TJP1: variants seen among roughly 807,000 people sequenced by gnomAD.
TJP1 encodes tight junction protein ZO-1.
Under a neutral mutation model 194.2 loss-of-function variants are expected in TJP1, and 43 were observed. The ratio of observed to expected loss-of-function variants is 0.22; its 90% confidence interval spans 0.17 to 0.29. TJP1 has a LOEUF of 0.29. Ranked by LOEUF, TJP1 falls within the 10% of genes least tolerant of loss-of-function variation. TJP1 has a pLI of 1.00. For missense variants in TJP1, 1,971 were observed against 2,185.7 expected (o/e 0.90, Z 1.96); for synonymous variants, 801 against 779.0 (o/e 1.03, Z -0.47).
At chr15:29,895,602 C>T (rs190938751) in intron 2 of TJP1, among the ~76,000 whole-genome samples, 7 of 152,312 alleles carry the variant, frequency 4.6e-5, no homozygotes, top group African/African-American at 1.7e-4. Context: ...GAGGCTTTCT[C>T]TACAGCTCTC....
intron 2 of TJP1, among the ~76,000 whole-genome samples, chr15:29,917,054 TA>T (rs548342936): frequency 3.9e-4 from 60 of 152,314 alleles, no homozygotes; most frequent in African/African-American, 1.4e-3. Context: ...TTAAGGTCCA[TA>T]AAGTATTCAT....
chr15:29,952,878 A>C (rs1005005952), intron 2 of TJP1, among the ~76,000 whole-genome samples: 1 of 152,292 alleles, frequency 6.6e-6, no homozygotes, highest in African/African-American at 2.4e-5. Flanking sequence ...AGTGGTATCT[A>C]TGGTGGCTAA....
upstream of TJP1, chr15:29,822,476 T>C: frequency 2.0e-6 from 2 of 981,962 alleles, no homozygotes; most frequent in Non-Finnish European, 2.4e-6. Flanking sequence ...CACGCAAACC[T>C]GCCGGCCCGG....
rs767898096 is a variant in TJP1, at chr15:29,708,862, G to A, written c.4547C>T (p.Thr1516Ile). The A allele has an allele frequency of 3.1e-6, 5 of 1,614,142 alleles. No homozygotes were observed. The highest frequency in any genetic ancestry group is 4.2e-6 in the Non-Finnish European group (5 of 1,180,018). Residue 1516 changes from threonine (T) to isoleucine (I), a missense_variant, in exon 25 of 28, where the codon ACT becomes ATT. By Grantham distance (89) the Thr-to-Ile change is moderately conservative. Transcript: ENST00000614355. ...GTATGCTGGAGTGACTGTTTTCTGA[G>A]TCTGTTCAGTTCCATTAACTGGGGC... ...DKAPVNGTEQ[T>I]QKTVTPAYNR...
In TJP1 at chr15:29,791,413, C is replaced by CTTTT. The variant is rs34201715; in HGVS notation, c.84+9229_84+9232dup. Among the ~76,000 whole-genome samples the CTTTT allele has an allele frequency of 2.3e-3, 118 of 51,200 alleles. 1 individual carries two copies. The highest frequency in any genetic ancestry group is 3.5e-3 in the African/African-American group (44 of 12,450). The allele number at this position is 51,200 out of a possible 152,430, so 33.6% of individuals were successfully genotyped here. A position where few individuals can be genotyped will look rare whatever the true frequency, so the allele number is the denominator to read the frequency against. ...GTTTTTGAGGAGCCTCCATAATATT[C>CTTTT]TTTTTTTTTTTTTTTTTTTTTTTTT... On this transcript the variant is annotated intron_variant, in intron 2 of 27. Transcript: ENST00000614355.
chr15:29,846,741 T>C (rs1385646263), intron 2 of TJP1, among the ~76,000 whole-genome samples: 2 of 151,902 alleles, frequency 1.3e-5, no homozygotes, highest in African/African-American at 4.8e-5. Context: ...CTGGCTGACA[T>C]GGTGCAACCC....
intron 25 of TJP1, among the ~76,000 whole-genome samples, chr15:29,706,743 C>T (rs1024853999): frequency 1.3e-5 from 2 of 152,106 alleles, no homozygotes; most frequent in Admixed American, 1.3e-4. Flanking sequence ...TCACTGCAAC[C>T]TCCACCTCCC....
chr15:29,793,994 CT>C (rs1277536272), intron 2 of TJP1, among the ~76,000 whole-genome samples: 6 of 152,116 alleles, frequency 3.9e-5, no homozygotes, highest in Admixed American at 3.9e-4. Context: ...AATACTGGCC[CT>C]TTGGAATGAA....
In TJP1 at chr15:29,931,460, A is replaced by G. The variant is rs137901209; in HGVS notation, c.306+24772T>C. 3.9e-5 allele frequency among the ~76,000 whole-genome samples: 6 copies of G among 152,348 alleles called. No individual in the cohort carries two copies. In the East Asian group the frequency reaches 1.2e-3, roughly 29 times the overall value. On this transcript the variant is annotated intron_variant, in intron 2 of 28. Transcript: ENST00000356107. ...TGAAAGTAATTTTAGAAGAATAGAGAGATGTACTCTATTCACATATAACGA... is the reference window on the plus strand; with the variant it reads ...TGAAAGTAATTTTAGAAGAATAGAGGGATGTACTCTATTCACATATAACGA...
intron 2 of TJP1, among the ~76,000 whole-genome samples, chr15:29,922,604 C>G (rs1228947834): frequency 6.6e-6 from 1 of 152,022 alleles, no homozygotes; most frequent in African/African-American, 2.4e-5. Flanking sequence ...TAGAAAATGT[C>G]TAATTGAGGG....
chr15:29,835,637 G>A (rs1035165146), intron 2 of TJP1, among the ~76,000 whole-genome samples: 3 of 129,212 alleles, frequency 2.3e-5, no homozygotes, highest in South Asian at 5.7e-4. Context: ...GCCACAGGGC[G>A]AGACCCTAGC....
chr15:29,840,354 T>C (rs1362231705), intron 2 of TJP1, among the ~76,000 whole-genome samples: 3 of 152,214 alleles, frequency 2.0e-5, no homozygotes, highest in Admixed American at 6.5e-5. Context: ...AGAAGTTTTA[T>C]AGTTTCACAT....
intron 1 of TJP1, among the ~76,000 whole-genome samples, chr15:29,818,543 C>T (rs528431450): frequency 3.9e-4 from 60 of 152,320 alleles, no homozygotes; most frequent in Non-Finnish European, 6.5e-4. Context: ...CTCGCTCTGT[C>T]GCCCAGGATG....
intron 2 of TJP1, among the ~76,000 whole-genome samples, chr15:29,934,530 C>T (rs1228327257): frequency 6.6e-6 from 1 of 152,188 alleles, no homozygotes; most frequent in Non-Finnish European, 1.5e-5. Context: ...ACCCTCACTT[C>T]CCTTCTCAGC....
At chr15:29,851,294 T>C (rs547168716) in intron 2 of TJP1, among the ~76,000 whole-genome samples, 12 of 152,018 alleles carry the variant, frequency 7.9e-5, no homozygotes, top group Non-Finnish European at 1.8e-4. Context: ...AAATAAGGGA[T>C]ATCACTACAG....
At chr15:29,739,808 A>G (rs1222772141) in intron 10 of TJP1, among the ~76,000 whole-genome samples, 6 of 152,038 alleles carry the variant, frequency 3.9e-5, no homozygotes, top group African/African-American at 1.4e-4. Flanking sequence ...TTTTCAAGCA[A>G]TTCCCAAGAA....
At chr15:29,945,376 T>C (rs970134448) in intron 2 of TJP1, among the ~76,000 whole-genome samples, 1 of 152,228 alleles carries the variant, frequency 6.6e-6, no homozygotes, top group Non-Finnish European at 1.5e-5. Context: ...GAGAAAGACA[T>C]AGCCAAGTCA....
intron 2 of TJP1, among the ~76,000 whole-genome samples, chr15:29,937,328 T>C (rs2054918622): frequency 6.6e-6 from 1 of 152,208 alleles, no homozygotes; most frequent in Non-Finnish European, 1.5e-5. Flanking sequence ...TTGGTTTCTA[T>C]TGGGTAAAGT....
intron 2 of TJP1, among the ~76,000 whole-genome samples, chr15:29,904,778 A>T (rs1362985482): frequency 6.6e-6 from 1 of 152,228 alleles, no homozygotes; most frequent in Admixed American, 6.5e-5. Flanking sequence ...ATTAGTTAAG[A>T]TGGGGTCAGA....
Sources: allele counts gnomAD v4.1 joint callset (sites outside exome capture counted in the v4.1 genomes callset), GRCh38; gene constraint gnomAD v4.1.1; transcripts MANE v1.5; gene names NCBI Gene and HGNC (gene_info 2026-07-23, HGNC 2026-07-21).